DCC: variants seen among roughly 807,000 people sequenced by gnomAD.
DCC encodes DCC netrin 1 receptor.
Under a neutral mutation model 172.5 loss-of-function variants are expected in DCC, and 58 were observed. The observed-to-expected ratio is 0.34, with a 90% CI of 0.27 to 0.42. DCC has a LOEUF of 0.42. Among genes scored for constraint, DCC ranks in the 10% least tolerant of loss-of-function variants. DCC has a pLI of 1.00. For synonymous variants in DCC, 709 were observed against 644.5 expected (o/e 1.10, Z -1.52); for missense variants, 1,740 against 1,791.0 (o/e 0.97, Z 0.51).
intron 1 of DCC, among the ~76,000 whole-genome samples, chr18:52,721,855 T>C (rs903479910): frequency 2.0e-5 from 3 of 152,076 alleles, no homozygotes; most frequent in Non-Finnish European, 4.4e-5. Flanking sequence ...TGAAAACCTA[T>C]CTCTATGAAA....
intron 9 of DCC, among the ~76,000 whole-genome samples, chr18:53,179,906 A>G (rs867475878): frequency 5.9e-5 from 9 of 152,384 alleles, no homozygotes; most frequent in African/African-American, 1.9e-4. Context: ...AATGAAATGC[A>G]TGGCTACTTG....
At chr18:52,748,479 GC>G (rs1262645999) in intron 1 of DCC, among the ~76,000 whole-genome samples, 1 of 152,230 alleles carries the variant, frequency 6.6e-6, no homozygotes, top group Non-Finnish European at 1.5e-5. Context: ...AGTGAACGGG[GC>G]AAGGGGTGGG....
At chr18:52,665,874 C>T (rs558127535) in intron 1 of DCC, among the ~76,000 whole-genome samples, 3 of 152,202 alleles carry the variant, frequency 2.0e-5, no homozygotes, top group Admixed American at 1.3e-4. Context: ...AGAGTTCAAT[C>T]ATTTGCCTTG....
intron 12 of DCC, among the ~76,000 whole-genome samples, chr18:53,305,207 T>C (rs568088349): frequency 6.6e-6 from 1 of 152,002 alleles, no homozygotes; most frequent in Non-Finnish European, 1.5e-5. Context: ...GAGAACAGAC[T>C]AATCCACTAT....
In DCC at chr18:52,521,414, G is replaced by T. The variant is rs138895315; in HGVS notation, c.91+180536G>T. On this transcript the variant is annotated intron_variant, in intron 1 of 28. Transcript: ENST00000442544. ...TAAACGACAAAAATTTATTGTCTCAGTTCCGGAGGCTGGGAAGTCCAAGAT... is the reference window on the plus strand; with the variant it reads ...TAAACGACAAAAATTTATTGTCTCATTTCCGGAGGCTGGGAAGTCCAAGAT... 4.8e-3 allele frequency among the ~76,000 whole-genome samples: 729 copies of T among 152,226 alleles called. 7 individuals are homozygous for T. The highest frequency in any genetic ancestry group is 0.024 in the Middle Eastern group (7 of 294).
intron 5 of DCC, among the ~76,000 whole-genome samples, chr18:52,953,024 A>AAAC (rs1471034014): frequency 2.0e-5 from 3 of 149,622 alleles, no homozygotes; most frequent in East Asian, 2.0e-4. Context: ...AAAAAAAAAA[A>AAAC]AAAACTCATA....
At chr18:53,073,382 G>A (rs954761050) in intron 7 of DCC, among the ~76,000 whole-genome samples, 5 of 152,012 alleles carry the variant, frequency 3.3e-5, no homozygotes, top group Admixed American at 1.3e-4. Context: ...AAAGTTAGCC[G>A]GGCGTGGTGG....
rs183966278 is a variant in DCC at position 53,169,281 on chromosome 18, A to C, written c.1419-9681A>C. Among the ~76,000 whole-genome samples, 8 of 152,350 alleles carry C rather than the reference A, an allele frequency of 5.3e-5. No homozygotes were observed. The East Asian group carries it at 1.5e-3, about 29-fold the overall frequency. ...ATTTTCCAAGACACTTTAATCAAGT[A>C]ACTCAAAGTTCTTAAAACTAGCATT... On this transcript the variant is annotated intron_variant, in intron 8 of 28. Coordinates refer to ENST00000442544, the MANE Select transcript of DCC (RefSeq NM_005215.4).
At chr18:52,792,764 CATTCT>C (rs1164873570) in intron 2 of DCC, among the ~76,000 whole-genome samples, 21 of 98,852 alleles carry the variant, frequency 2.1e-4, no homozygotes, top group South Asian at 3.7e-4. Flanking sequence ...GATTCTATTC[CATTCT>C]ATTCCATTCC....
At chr18:52,813,348 T>TA (rs141747257) in intron 2 of DCC, among the ~76,000 whole-genome samples, 45 of 148,640 alleles carry the variant, frequency 3.0e-4, no homozygotes, top group African/African-American at 1.0e-3. Context: ...TTAGGGTAAA[T>TA]AAAGGGCAAA....
At chr18:52,656,346 A>C (rs1324802051) in intron 1 of DCC, among the ~76,000 whole-genome samples, 1 of 152,026 alleles carries the variant, frequency 6.6e-6, no homozygotes, top group Non-Finnish European at 1.5e-5. Context: ...ATCACAATGA[A>C]TACATGACTA....
intron 2 of DCC, among the ~76,000 whole-genome samples, chr18:52,820,016 A>G (rs12604410): frequency 0.11 from 17,084 of 152,154 alleles, 1,043 homozygotes; most frequent in South Asian, 0.2. Context: ...CACCACGCCC[A>G]GCCAACTTGT....
rs540006456 is a variant in DCC, at chr18:53,514,130, A to T, written c.4112-12487A>T. On this transcript the variant is annotated intron_variant, in intron 27 of 28. Coordinates refer to ENST00000442544, the MANE Select transcript of DCC (RefSeq NM_005215.4). ...CAGACCACAGTGCAATCAAACTAGA[A>T]CTCAGGATTAAGAATCTCACTCAAA... is the stretch of plus-strand genomic sequence containing the variant. Among the ~76,000 whole-genome samples the T allele has an allele frequency of 3.3e-3, 507 of 152,318 alleles. 13 individuals are homozygous for T. The highest frequency in any genetic ancestry group is 1.4e-3 in the Non-Finnish European group (97 of 68,036).
At chr18:53,173,342 G>T (rs138967188) in intron 8 of DCC, among the ~76,000 whole-genome samples, 126 of 152,190 alleles carry the variant, frequency 8.3e-4, no homozygotes, top group African/African-American at 2.8e-3. Flanking sequence ...GCTATATCCA[G>T]ATTCATACAG....
At chr18:52,534,636 T>C (rs1179968672) in intron 1 of DCC, among the ~76,000 whole-genome samples, 1 of 152,180 alleles carries the variant, frequency 6.6e-6, no homozygotes, top group Non-Finnish European at 1.5e-5. Flanking sequence ...GGTCACAAAT[T>C]TAGCAAAGCA....
chr18:53,255,914 G>A (rs1178663271), intron 12 of DCC, among the ~76,000 whole-genome samples: 1 of 152,152 alleles, frequency 6.6e-6, no homozygotes, highest in East Asian at 1.9e-4. Flanking sequence ...TCTAACTGGT[G>A]TGAGATGGTA....
intron 27 of DCC, among the ~76,000 whole-genome samples, chr18:53,526,357 C>A (rs552726289): frequency 5.3e-5 from 8 of 152,204 alleles, no homozygotes; most frequent in Admixed American, 2.6e-4. Context: ...TCCCAGGCAA[C>A]TTTCCACAGC....
intron 12 of DCC, among the ~76,000 whole-genome samples, chr18:53,220,008 A>C (rs751125144): frequency 2.0e-5 from 3 of 152,082 alleles, no homozygotes; most frequent in African/African-American, 7.2e-5. Flanking sequence ...GGAAGTCTCT[A>C]TACCCTGTCA....
chr18:52,856,499 A>C (rs1165983062), intron 2 of DCC, among the ~76,000 whole-genome samples: 1 of 151,636 alleles, frequency 6.6e-6, no homozygotes, highest in African/African-American at 2.4e-5. Context: ...GGTGGCGGGC[A>C]CCTGTAGTTC....
Sources: gnomAD v4.1 joint callset for allele counts (sites outside exome capture counted in the v4.1 genomes callset) on GRCh38, gnomAD v4.1.1 for gene constraint, MANE v1.5 for transcripts, NCBI Gene and HGNC (gene_info 2026-07-23, HGNC 2026-07-21) for gene names.